Variants in PTPRK observed in about 807,000 individuals in gnomAD.
PTPRK encodes the protein protein tyrosine phosphatase receptor type K, also known as receptor-type tyrosine-protein phosphatase kappa.
In PTPRK, 75 loss-of-function variants were observed where a neutral mutation model predicts 178.0. That is an observed-to-expected ratio of 0.42 (90% CI 0.35 to 0.51). PTPRK has a LOEUF of 0.51. Ranked by LOEUF, PTPRK falls within the 20% of genes least tolerant of loss-of-function variation. PTPRK has a pLI of 0.02. For synonymous variants in PTPRK, 637 were observed against 620.6 expected (o/e 1.03, Z -0.39); for missense variants, 1,441 against 1,797.8 (o/e 0.80, Z 3.59).
intron 15 of PTPRK, 118 bp from the exon 16 acceptor site, chr6:127,999,022 C>G: frequency 1.1e-6 from 1 of 898,406 alleles, no homozygotes; most frequent in Non-Finnish European, 1.6e-6. Context: ...AAGAGGAATT[C>G]TGGGAAAGAA....
At chr6:128,416,521 C>T (rs576441178) in intron 1 of PTPRK, among the ~76,000 whole-genome samples, 1 of 151,698 alleles carries the variant, frequency 6.6e-6, no homozygotes, top group Non-Finnish European at 1.5e-5. Flanking sequence ...GTGGCTGGCG[C>T]CTGTAGTCCC....
At chr6:128,316,721 T>C (rs1315069991) in intron 3 of PTPRK, among the ~76,000 whole-genome samples, 2 of 151,216 alleles carry the variant, frequency 1.3e-5, no homozygotes, top group African/African-American at 4.9e-5. Context: ...TTTTTTTTTT[T>C]TTTTTTTTAA....
chr6:128,034,663 A>G (rs1055450182), intron 13 of PTPRK, among the ~76,000 whole-genome samples: 7 of 152,326 alleles, frequency 4.6e-5, no homozygotes, highest in South Asian at 2.1e-4. Context: ...TATAATTTAC[A>G]ACTTCTCTTT....
chr6:128,296,861 T>G (rs1193100033), intron 3 of PTPRK, among the ~76,000 whole-genome samples: 1 of 152,024 alleles, frequency 6.6e-6, no homozygotes, highest in Non-Finnish European at 1.5e-5. Context: ...CAGGATCAAA[T>G]TCACACATAA....
rs530512351 is a variant in PTPRK at position 128,468,173 on chromosome 6, A to G, written c.100+52086T>C. ...TAAATAAATAAAGACTATTCTGATT[A>G]GAGAAATCTTAGTTGATGATGGAGA... On this transcript the variant is annotated intron_variant, in intron 1 of 29. Transcript: ENST00000368226. 1.5e-4 allele frequency among the ~76,000 whole-genome samples: 23 copies of G among 152,344 alleles called. No individual in the cohort carries two copies. The East Asian group carries it at 2.7e-3, about 18-fold the overall frequency.
intron 6 of PTPRK, among the ~76,000 whole-genome samples, chr6:128,213,803 A>C (rs180699024): frequency 6.6e-6 from 1 of 152,268 alleles, no homozygotes; most frequent in African/African-American, 2.4e-5. Context: ...AGAGTACCGG[A>C]ATAGAATACT....
chr6:128,184,366 C>T (rs1583375389), intron 7 of PTPRK, 66 bp downstream of exon 7: 10 of 1,460,386 alleles, frequency 6.8e-6, no homozygotes, highest in Non-Finnish European at 9.4e-6. Flanking sequence ...TTCAACACTG[C>T]ATGTATTAAT....
chr6:128,464,447 G>T (rs1351433279), intron 1 of PTPRK, among the ~76,000 whole-genome samples: 1 of 151,392 alleles, frequency 6.6e-6, no homozygotes, highest in African/African-American at 2.4e-5. Context: ...GATATAAAAG[G>T]AAGGAAAAAG....
At chr6:128,445,586 A>T (rs1345796149) in intron 1 of PTPRK, among the ~76,000 whole-genome samples, 2 of 151,722 alleles carry the variant, frequency 1.3e-5, no homozygotes, top group Non-Finnish European at 2.9e-5. Context: ...CATTAAATGC[A>T]TGTAGTTCTA....
intron 7 of PTPRK, among the ~76,000 whole-genome samples, chr6:128,119,462 T>C (rs1438567395): frequency 6.6e-6 from 1 of 152,086 alleles, no homozygotes. Flanking sequence ...CAAACTTCTT[T>C]AGGTGTAATG....
At position 128,240,078 on chromosome 6, in the gene PTPRK, A is replaced by G; in HGVS notation, c.650T>C (p.Ile217Thr). Reference protein sequence around the residue: ...NAGQNATFQCIATGRDAVHNK... With the variant: ...NAGQNATFQCTATGRDAVHNK... The stretch of plus-strand genomic sequence containing the variant: ...ATGCACAGCATCTCTCCCTGTGGCA[A>G]TGCACTGAAATGTAGCGTTTTGCCC... The change falls in exon 5 of 30, where the codon ATT becomes ACT. Residue 217 changes from isoleucine (I) to threonine (T), a missense_variant. Around this residue, in one of 4 missense-constraint regions of PTPRK, gnomAD observed 945 missense variants for 1,080.6 expected, o/e 0.87. Coordinates refer to ENST00000368226, the MANE Select transcript of PTPRK (RefSeq NM_002844.4). 1 of 1,614,154 alleles carries G rather than the reference A, an allele frequency of 6.2e-7. No homozygotes were observed. Among genetic ancestry groups the G allele is most frequent in the African/African-American group, 1.3e-5 (1 of 75,060 alleles).
At chr6:128,247,629 C>A (rs887914715) in intron 3 of PTPRK, among the ~76,000 whole-genome samples, 1 of 152,082 alleles carries the variant, frequency 6.6e-6, no homozygotes, top group African/African-American at 2.4e-5. Context: ...TAGTTCGTAC[C>A]CTTTAACTGT....
intron 2 of PTPRK, among the ~76,000 whole-genome samples, chr6:128,391,631 T>C (rs1478142552): frequency 6.6e-6 from 1 of 152,070 alleles, no homozygotes; most frequent in Admixed American, 6.5e-5. Flanking sequence ...TTATTAATCA[T>C]CTATAATAGG....
intron 2 of PTPRK, among the ~76,000 whole-genome samples, chr6:128,379,847 G>A (rs1031669962): frequency 1.3e-5 from 2 of 152,024 alleles, no homozygotes; most frequent in African/African-American, 2.4e-5. Context: ...CAAACTGTCT[G>A]TTTATTTTGT....
chr6:127,989,123 ACTTTTTGT>A (rs1776299470), intron 21 of PTPRK, among the ~76,000 whole-genome samples: 1 of 152,004 alleles, frequency 6.6e-6, no homozygotes, highest in African/African-American at 2.4e-5. Context: ...CAATATCTCA[ACTTTTTGT>A]TATGTATTCA....
intron 3 of PTPRK, among the ~76,000 whole-genome samples, chr6:128,258,888 G>T (rs897864875): frequency 6.6e-6 from 1 of 152,198 alleles, no homozygotes; most frequent in Non-Finnish European, 1.5e-5. Context: ...GAGGCAGAGA[G>T]CAGAAGACAA....
chr6:128,016,662 A>G (rs1779625443), intron 13 of PTPRK, among the ~76,000 whole-genome samples: 1 of 112,462 alleles, frequency 8.9e-6, no homozygotes, highest in African/African-American at 2.8e-5. Flanking sequence ...CAAATATATC[A>G]ATCTTTTTTT....
chr6:128,231,746 A>T (rs1812332778), intron 5 of PTPRK, among the ~76,000 whole-genome samples: 1 of 152,240 alleles, frequency 6.6e-6, no homozygotes, highest in African/African-American at 2.4e-5. Flanking sequence ...GGTAAAAAGT[A>T]AAACAATGGT....
Position 128,089,726 on chromosome 6 carries a change from C to A in PTPRK, c.1429G>T (p.Glu477Ter). Residue 477 changes from glutamate (E) to a stop codon, truncating the protein, a stop_gained, in exon 8 of 30, where the codon GAG (glutamate) becomes TAG (stop). Coordinates refer to ENST00000368226, the MANE Select transcript of PTPRK (RefSeq NM_002844.4). LOFTEE classifies it high-confidence loss of function. ...MILTNPEGRK[E>*]SEETIIQTDE... ...GTTTGAATAATTGTCTCTTCACTCT[C>A]CTTCCTTCCCTCTGGATTGGTTAGG... 1 of 1,613,220 alleles carries A rather than the reference C, an allele frequency of 6.2e-7. No individual in the cohort carries two copies. Among genetic ancestry groups the A allele is most frequent in the Non-Finnish European group, 8.5e-7 (1 of 1,179,172 alleles).
Sources: gnomAD v4.1 joint callset for allele counts (sites outside exome capture counted in the v4.1 genomes callset) on GRCh38, gnomAD v4.1.1 for gene constraint, gnomAD v4.1.1 regional missense constraint, MANE v1.5 for transcripts, NCBI Gene and HGNC (gene_info 2026-07-23, HGNC 2026-07-21) for gene names.